ABCC1: variants seen among roughly 807,000 people sequenced by gnomAD.
ABCC1 encodes ATP binding cassette subfamily C member 1 (ABCC1 blood group), also known as multidrug resistance-associated protein 1.
ABCC1 carries 83 observed loss-of-function variants against 172.9 expected under a neutral mutation model. The ratio of observed to expected loss-of-function variants is 0.48; its 90% CI spans 0.40 to 0.58. ABCC1 has a LOEUF of 0.58. Among genes scored for constraint, ABCC1 ranks in the 20% least tolerant of loss-of-function variants. ABCC1 has a pLI of 0.00. For synonymous variants in ABCC1, 937 were observed against 825.2 expected (o/e 1.14, Z -2.32); for missense variants, 1,817 against 2,002.7 (o/e 0.91, Z 1.77).
chr16:16,106,420 A>G (rs1320912642), intron 20 of ABCC1: 2 of 192,572 alleles, frequency 1.0e-5, no homozygotes, highest in Non-Finnish European at 2.1e-5. Context: ...ATCTCAGAAA[A>G]AAAAAAAAAA....
chr16:16,127,776 G>C (rs1346587898), intron 26 of ABCC1, among the ~76,000 whole-genome samples: 1 of 152,182 alleles, frequency 6.6e-6, no homozygotes, highest in East Asian at 1.9e-4. Context: ...TTAACATTCT[G>C]ACTGGGTGAA....
intron 26 of ABCC1, 64 bp downstream of exon 26, chr16:16,125,975 T>C (rs952301428): frequency 7.8e-7 from 1 of 1,278,372 alleles, no homozygotes; most frequent in Non-Finnish European, 1.1e-6. Flanking sequence ...AGGAGATCTC[T>C]GGACCCTATC....
intron 7 of ABCC1, among the ~76,000 whole-genome samples, chr16:16,039,079 G>A (rs1398103842): frequency 6.6e-6 from 1 of 152,070 alleles, no homozygotes; most frequent in Admixed American, 6.6e-5. Context: ...CTAGTTGGGT[G>A]CCATCGACAT....
At chr16:16,010,014 C>T in intron 3 of ABCC1, 113 bp downstream of exon 3, 3 of 366,188 alleles carry the variant, frequency 8.2e-6, no homozygotes, top group Non-Finnish European at 4.3e-6. Flanking sequence ...TCAGCTGGAG[C>T]TGGGATATAA....
chr16:15,982,658 A>T (rs1176196499), intron 1 of ABCC1, among the ~76,000 whole-genome samples: 1 of 151,234 alleles, frequency 6.6e-6, no homozygotes, highest in Non-Finnish European at 1.5e-5. Context: ...AAAAAAAAAA[A>T]AAGCCAGGTG....
rs756405833 is a variant in ABCC1, at chr16:16,125,873, G to T, written c.3781G>T (p.Val1261Leu). 7 of 1,614,084 alleles carry T rather than the reference G, an allele frequency of 4.3e-6. No homozygotes were observed. The highest frequency in any genetic ancestry group is 5.9e-6 in the Non-Finnish European group (7 of 1,179,996). The change falls in exon 26 of 31, where the codon GTG becomes TTG. Residue 1261 changes from valine to leucine, a missense_variant. By Grantham distance (32) the Val-to-Leu change is conservative (BLOSUM62 1). This residue lies in a region of ABCC1 where 1,412 missense variants were observed against 1,600.3 expected (regional missense o/e 0.88). Transcript: ENST00000399410. ...SSEMETNIVA[V>L]ERLKEYSETE... ...TGAAATGGAAACCAACATCGTGGCC[G>T]TGGAGAGGCTCAAGGAGTATTCAGA... is the stretch of plus-strand genomic sequence containing the variant.
intron 24 of ABCC1, among the ~76,000 whole-genome samples, chr16:16,123,004 C>A (rs2045234504): frequency 6.6e-6 from 1 of 152,212 alleles, no homozygotes; most frequent in South Asian, 2.1e-4. Flanking sequence ...AGAAGTGTCC[C>A]TCTCACCCAT....
intron 3 of ABCC1, among the ~76,000 whole-genome samples, chr16:16,013,311 C>T (rs1200953776): frequency 6.6e-6 from 1 of 151,206 alleles, no homozygotes; most frequent in Non-Finnish European, 1.5e-5. Context: ...CACTCTGTCG[C>T]CCAGGCTGGA....
chr16:16,014,397 A>T, intron 3 of ABCC1, 94 bp from the exon 4 acceptor site: 3 of 1,425,242 alleles, frequency 2.1e-6, no homozygotes, highest in Non-Finnish European at 2.8e-6. Flanking sequence ...AAGTGAGCTG[A>T]GATTGCACCA....
At chr16:16,100,364 C>A (rs79793951) in intron 19 of ABCC1, among the ~76,000 whole-genome samples, 18 of 3,806 alleles carry the variant, frequency 4.7e-3, no homozygotes, top group Non-Finnish European at 0.026. Context: ...GGTAGGAGAG[C>A]GGGGGGGCTC....
In ABCC1 at chr16:16,125,847, C is replaced by G; in HGVS notation, c.3755C>G (p.Ser1252Cys). The change falls in exon 26 of 31, where the codon TCT becomes TGT. Residue 1252 changes from serine (S) to cysteine (C), a missense_variant. Around this residue, in one of 3 missense-constraint regions of ABCC1, gnomAD observed 1,412 missense variants for 1,600.3 expected, o/e 0.88. Transcript: ENST00000399410. ...TTGAACTGGCTGGTTCGGATGTCAT[C>G]TGAAATGGAAACCAACATCGTGGCC... Reference protein sequence around the residue: ...TYLNWLVRMSSEMETNIVAVE... With the variant: ...TYLNWLVRMSCEMETNIVAVE... 6.2e-7 allele frequency: 1 copy of G among 1,614,050 alleles called. No homozygotes were observed. Among genetic ancestry groups the G allele is most frequent in the Non-Finnish European group, 8.5e-7 (1 of 1,180,000 alleles).
chr16:15,952,855 C>A (rs1363566163), intron 1 of ABCC1, among the ~76,000 whole-genome samples: 33 of 146,920 alleles, frequency 2.2e-4, no homozygotes, highest in Non-Finnish European at 4.0e-4. Flanking sequence ...CATGGATTGA[C>A]CCCCGTCTCT....
chr16:16,124,508 G>A (rs943093494), intron 24 of ABCC1, among the ~76,000 whole-genome samples: 2 of 152,024 alleles, frequency 1.3e-5, no homozygotes, highest in Admixed American at 6.6e-5. Context: ...TCTTAAAAAG[G>A]CAAGCTTCAG....
In ABCC1 at chr16:16,090,550, A is replaced by G. The variant is rs745437606; in HGVS notation, c.2606A>G (p.Tyr869Cys). Residue 869 changes from tyrosine (Y) to cysteine (C), a missense_variant, in exon 19 of 31, where the codon TAT becomes TGT. This residue lies in a region of ABCC1 where 1,412 missense variants were observed against 1,600.3 expected (regional missense o/e 0.88). Coordinates refer to ENST00000399410, the MANE Select transcript of ABCC1 (RefSeq NM_004996.4). ...GCCTTCGCTGAGTTCCTGCGTACCT[A>G]TGCCAGCACAGAGCAGGAGCAGGAT... ...DGAFAEFLRT[Y>C]ASTEQEQDAE... 2 of 1,612,628 alleles carry G rather than the reference A, an allele frequency of 1.2e-6. No homozygotes were observed. Among genetic ancestry groups the G allele is most frequent in the Non-Finnish European group, 1.7e-6 (2 of 1,179,110 alleles).
intron 23 of ABCC1, among the ~76,000 whole-genome samples, chr16:16,120,261 C>T (rs2045092946): frequency 6.6e-6 from 1 of 152,146 alleles, no homozygotes; most frequent in Non-Finnish European, 1.5e-5. Flanking sequence ...TCCCAGCTCT[C>T]CTGTCGATAA....
intron 12 of ABCC1, among the ~76,000 whole-genome samples, chr16:16,063,279 T>TC (rs2049987813): frequency 6.6e-6 from 1 of 152,094 alleles, no homozygotes; most frequent in South Asian, 2.1e-4. Flanking sequence ...GCTAATTTTT[T>TC]GTCTTTTTAG....
intron 20 of ABCC1, 103 bp from the exon 21 acceptor site, chr16:16,106,635 C>A: frequency 6.9e-7 from 1 of 1,439,350 alleles, no homozygotes; most frequent in Non-Finnish European, 9.6e-7. Flanking sequence ...CACTCCGTCT[C>A]TTATGCCATG....
intron 13 of ABCC1, 79 bp from the exon 14 acceptor site, chr16:16,071,562 AC>A: frequency 8.4e-7 from 1 of 1,196,358 alleles, no homozygotes; most frequent in Non-Finnish European, 1.2e-6. Context: ...ACCTGGGGAA[AC>A]CCTTGAAAGT....
chr16:16,018,508 C>G (rs1420720714), intron 5 of ABCC1, among the ~76,000 whole-genome samples: 1 of 152,028 alleles, frequency 6.6e-6, no homozygotes, highest in Non-Finnish European at 1.5e-5. Flanking sequence ...GAGATCACAC[C>G]ACTGCGCTCC....
Sources: allele counts gnomAD v4.1 joint callset (sites outside exome capture counted in the v4.1 genomes callset), GRCh38; gene constraint gnomAD v4.1.1; regional missense constraint gnomAD v4.1.1; transcripts MANE v1.5; gene names NCBI Gene and HGNC (gene_info 2026-07-23, HGNC 2026-07-21).